Variants in IQGAP1 observed in about 807,000 individuals in gnomAD.
The protein encoded by IQGAP1 is IQ motif containing GTPase activating protein 1, also known as ras GTPase-activating-like protein IQGAP1.
In IQGAP1, 66 loss-of-function variants were observed where a neutral mutation model predicts 215.6. The ratio of observed to expected loss-of-function variants is 0.31; its 90% CI spans 0.25 to 0.38. IQGAP1 has a LOEUF of 0.38. IQGAP1 is among the 10% of genes least tolerant of loss of function. IQGAP1 has a pLI of 1.00. For synonymous variants in IQGAP1, 772 were observed against 728.7 expected (o/e 1.06, Z -0.96); for missense variants, 1,712 against 1,997.1 (o/e 0.86, Z 2.72).
intron 2 of IQGAP1, among the ~76,000 whole-genome samples, chr15:90,403,623 T>C (rs78680458): frequency 0.015 from 2,229 of 152,322 alleles, 45 homozygotes; most frequent in African/African-American, 0.05. Context: ...AAATACAAAT[T>C]ACTTTGATTT....
intron 2 of IQGAP1, among the ~76,000 whole-genome samples, chr15:90,395,333 T>G (rs1355695978): frequency 6.6e-6 from 1 of 152,184 alleles, no homozygotes; most frequent in Non-Finnish European, 1.5e-5. Flanking sequence ...TTTTTTGTTT[T>G]TTTTTGAAAC....
Position 90,429,574 on chromosome 15 carries a change from C to CTTT in IQGAP1, c.313-7_313-5dup. 3 of 1,378,010 alleles carry CTTT rather than the reference C, an allele frequency of 2.2e-6. No homozygotes were observed. The highest frequency in any genetic ancestry group is 2.8e-5 in the South Asian group (2 of 72,456). The allele number at this position is 1,378,010 out of a possible 1,614,324, so 85.4% of individuals were successfully genotyped here. On this transcript the variant is annotated splice_polypyrimidine_tract_variant and intron_variant, in intron 3 of 37. Transcript: ENST00000268182. ...AATACAGCCAATAATACCTAATTTTCTTTTTTTTTTCTAGGCGACTGGCCT... is the reference window on the plus strand; with the variant it reads ...AATACAGCCAATAATACCTAATTTTCTTTTTTTTTTTTTCTAGGCGACTGGCCT...
intron 18 of IQGAP1, among the ~76,000 whole-genome samples, chr15:90,471,814 T>C (rs572353687): frequency 6.1e-5 from 9 of 146,946 alleles, no homozygotes; most frequent in Non-Finnish European, 8.9e-5. Flanking sequence ...GTGGAGTCTT[T>C]TAAGTGCATA....
At chr15:90,393,400 A>G (rs1270564885) in intron 2 of IQGAP1, 1 of 152,152 alleles carries the variant, frequency 6.6e-6, no homozygotes, top group Non-Finnish European at 1.5e-5. Context: ...TACCTGATCC[A>G]ATGTAAATGC....
At chr15:90,494,543 A>C (rs948223869) in intron 35 of IQGAP1, 170 bp from the exon 36 acceptor site, 1 of 440,886 alleles carries the variant, frequency 2.3e-6, no homozygotes. Flanking sequence ...CCTGTTTTGC[A>C]GAGATATTGC....
intron 31 of IQGAP1, 199 bp from the exon 32 acceptor site, chr15:90,486,755 T>C: frequency 1.8e-6 from 1 of 568,146 alleles, no homozygotes; most frequent in South Asian, 2.2e-5. Flanking sequence ...CTCAAACATT[T>C]ATGGAGTTAT....
At chr15:90,459,163 A>T (rs893369060) in intron 15 of IQGAP1, among the ~76,000 whole-genome samples, 4 of 152,200 alleles carry the variant, frequency 2.6e-5, no homozygotes, top group Non-Finnish European at 5.9e-5. Flanking sequence ...AGTTGTTGTT[A>T]CTTAGTAAGC....
At chr15:90,420,753 T>G (rs1965121669) in intron 2 of IQGAP1, among the ~76,000 whole-genome samples, 1 of 152,214 alleles carries the variant, frequency 6.6e-6, no homozygotes, top group Non-Finnish European at 1.5e-5. Context: ...GACAAGAGTT[T>G]CACTGTCGCC....
At chr15:90,478,418 A>G (rs557781547) in intron 26 of IQGAP1, among the ~76,000 whole-genome samples, 1 of 152,356 alleles carries the variant, frequency 6.6e-6, no homozygotes, top group South Asian at 2.1e-4. Context: ...GTGTACAGTA[A>G]TGCAATAATG....
At chr15:90,482,121 T>A (rs570828300) in intron 27 of IQGAP1, 21 bp downstream of exon 27, 1 of 1,614,212 alleles carries the variant, frequency 6.2e-7, no homozygotes, top group Admixed American at 1.7e-5. Context: ...TCAGTTGTCA[T>A]GACCCCCAGT....
At chr15:90,395,957 C>T (rs1964712819) in intron 2 of IQGAP1, among the ~76,000 whole-genome samples, 1 of 152,178 alleles carries the variant, frequency 6.6e-6, no homozygotes, top group South Asian at 2.1e-4. Context: ...CTTTCTGCTG[C>T]TGAGTGCCCG....
chr15:90,486,204 C>G (rs942335187), intron 31 of IQGAP1, 72 bp downstream of exon 31: 16 of 984,410 alleles, frequency 1.6e-5, no homozygotes, highest in Non-Finnish European at 3.2e-6. Context: ...GTCACCTCCT[C>G]TATTTTTTGC....
chr15:90,448,648 C>T lies in IQGAP1; in HGVS notation c.989C>T (p.Ser330Leu), dbSNP rs752416549. 1 of 1,612,492 alleles carries T rather than the reference C, an allele frequency of 6.2e-7. No homozygotes were observed. Among genetic ancestry groups the T allele is most frequent in the Non-Finnish European group, 8.5e-7 (1 of 1,179,296 alleles). Reference protein sequence around the residue: ...DALALFRALQSPALGLRGLQQ... With the variant: ...DALALFRALQLPALGLRGLQQ... ...CTGGCCTTGTTCAGGGCTCTGCAGT[C>T]ACCAGCCCTGGGGCTTCGAGGACTG... is the stretch of plus-strand genomic sequence containing the variant. Residue 330 changes from serine (S) to leucine (L), a missense_variant, in exon 10 of 38, where the codon TCA becomes TTA. This residue lies in a region of IQGAP1 where 1,021 missense variants were observed against 1,074.2 expected (regional missense o/e 0.95). Coordinates refer to ENST00000268182, the MANE Select transcript of IQGAP1 (RefSeq NM_003870.4).
Position 90,486,131 on chromosome 15 carries a change from A to T in IQGAP1, c.4023A>T (p.Ile1341=). 1 of 1,609,928 alleles carries T rather than the reference A, an allele frequency of 6.2e-7. No homozygotes were observed. Among genetic ancestry groups the T allele is most frequent in the South Asian group, 1.1e-5 (1 of 90,688 alleles). ...LGEVPTIESL[I]GESSGNLNDP... ...AGGTGCCCACCATCGAGTCCCTGAT[A>T]GGTAGAGTTCTAACTTTTGCCTGGA... The change falls in exon 31 of 38, where the codon ATA becomes ATT. Residue 1341 remains isoleucine, a splice_region_variant and synonymous_variant. Transcript: ENST00000268182.
chr15:90,408,469 A>G (rs1164797780), intron 2 of IQGAP1, among the ~76,000 whole-genome samples: 1 of 152,192 alleles, frequency 6.6e-6, no homozygotes, highest in African/African-American at 2.4e-5. Flanking sequence ...TTATGTACAT[A>G]AATAACTATT....
intron 2 of IQGAP1, among the ~76,000 whole-genome samples, chr15:90,415,723 T>C (rs1413246835): frequency 2.0e-5 from 3 of 152,330 alleles, no homozygotes; most frequent in East Asian, 3.9e-4. Flanking sequence ...TTGTAATTGT[T>C]AATCATTCTC....
chr15:90,466,500 G>A (rs1031043906), intron 17 of IQGAP1, 64 bp downstream of exon 17: 12 of 1,468,014 alleles, frequency 8.2e-6, no homozygotes, highest in Middle Eastern at 3.6e-4. Context: ...GGGGACAGAT[G>A]TAGAGGAAAG....
chr15:90,425,997 C>A, intron 2 of IQGAP1, 113 bp from the exon 3 acceptor site: 1 of 940,638 alleles, frequency 1.1e-6, no homozygotes, highest in Non-Finnish European at 1.5e-6. Context: ...TAAAAGAGTG[C>A]TATTATGTTC....
intron 2 of IQGAP1, among the ~76,000 whole-genome samples, chr15:90,407,040 C>T (rs911258486): frequency 2.6e-5 from 4 of 152,116 alleles, no homozygotes; most frequent in East Asian, 1.9e-4. Context: ...AGATGGATCT[C>T]GTAGTCTAGA....
Sources: allele counts gnomAD v4.1 joint callset (sites outside exome capture counted in the v4.1 genomes callset), GRCh38; gene constraint gnomAD v4.1.1; regional missense constraint gnomAD v4.1.1; transcripts MANE v1.5; gene names NCBI Gene and HGNC (gene_info 2026-07-23, HGNC 2026-07-21).